Variants in FLRT3 observed in about 807,000 individuals in gnomAD.
FLRT3 encodes fibronectin leucine rich transmembrane protein 3.
FLRT3 carries 17 observed loss-of-function variants against 42.6 expected under a neutral mutation model. The ratio of observed to expected loss-of-function variants is 0.40; its 90% confidence interval spans 0.27 to 0.60. The LOEUF is 0.60. Among genes scored for constraint, FLRT3 ranks in the 20% least tolerant of loss-of-function variants. FLRT3 has a pLI of 0.44. For missense variants in FLRT3, 635 were observed against 789.2 expected, an observed-to-expected ratio of 0.80 and a Z score of 2.34; for synonymous variants, 279 against 286.4, an observed-to-expected ratio of 0.97 and a Z score of 0.26.
chr20:14,332,221 A>G (rs912527229), intron 1 of FLRT3, among the ~76,000 whole-genome samples: 1 of 152,142 alleles, frequency 6.6e-6, no homozygotes, highest in African/African-American at 2.4e-5. Flanking sequence ...TTGCATTTAT[A>G]ATGTAATCAT....
Position 14,324,902 on chromosome 20 carries a change from T to A in FLRT3, c.*655A>T, listed in dbSNP as rs2082709277. ...TTCATGCTCCTTTTATGCCAGCTGA[T>A]GTATTCAGTTCAGAAGATATGCTTA... On this transcript the variant is annotated 3_prime_UTR_variant, in exon 3 of 3. Transcript: ENST00000341420. 6.6e-6 allele frequency: 1 copy of A among 152,540 alleles called. No individual in the cohort carries two copies. 9.4% of individuals were successfully genotyped at this position (152,540 alleles called of 1,614,324 possible).
At chr20:14,333,342 C>T (rs1387010615) in intron 1 of FLRT3, among the ~76,000 whole-genome samples, 1 of 152,156 alleles carries the variant, frequency 6.6e-6, no homozygotes, top group Non-Finnish European at 1.5e-5. Context: ...TTTATTTTGA[C>T]TTGTAAAGTT....
At position 14,325,069 on chromosome 20, in the gene FLRT3, A is replaced by T. The variant is rs1306240687; in HGVS notation, c.*488T>A. ...TTAATAATTGGAACATTATTTCATA[A>T]CCATTTTTTAAAATTAAATTTTATC... On this transcript the variant is annotated 3_prime_UTR_variant, in exon 3 of 3. Coordinates refer to ENST00000341420, the MANE Select transcript of FLRT3 (RefSeq NM_198391.3). The T allele has an allele frequency of 6.6e-6, 1 of 152,286 alleles. No individual in the cohort carries two copies. The highest frequency in any genetic ancestry group is 2.4e-5 in the African/African-American group (1 of 41,350). 9.4% of individuals were successfully genotyped at this position (152,286 alleles called of 1,614,324 possible).
chr20:14,335,496 T>A (rs1236556550), intron 1 of FLRT3, among the ~76,000 whole-genome samples: 1 of 152,212 alleles, frequency 6.6e-6, no homozygotes, highest in African/African-American at 2.4e-5. Context: ...GCTGCCACAT[T>A]TAGTTATGAC....
rs748319297 is a variant in FLRT3 at position 14,327,196 on chromosome 20, T to C, written c.311A>G (p.Lys104Arg). ...TTGCAAATGTAACTCTTTTACATACTTTGGGAGGTTGGTAGGAAATTCATC... is the reference window on the plus strand; with the variant it reads ...TTGCAAATGTAACTCTTTTACATACCTTGGGAGGTTGGTAGGAAATTCATC... ...SLDEFPTNLP[K>R]YVKELHLQEN... Residue 104 changes from lysine (K) to arginine (R), a missense_variant, in exon 3 of 3, where the codon AAG becomes AGG. By Grantham distance (26) the Lys-to-Arg change is conservative. Transcript: ENST00000341420. 2 of 1,613,674 alleles carry C rather than the reference T, an allele frequency of 1.2e-6. No individual in the cohort carries two copies. Among genetic ancestry groups the C allele is most frequent in the South Asian group, 2.2e-5 (2 of 91,064 alleles).
chr20:14,331,120 G>A (rs1568561898), intron 1 of FLRT3, among the ~76,000 whole-genome samples: 1 of 151,994 alleles, frequency 6.6e-6, no homozygotes, highest in Non-Finnish European at 1.5e-5. Context: ...TGATGAATCC[G>A]CTGATTGGGG....
In FLRT3 at chr20:14,337,590, GA is replaced by G; in HGVS notation, c.-434del. ...CTCCTACACTGAGGAGTGAGCGAGG[GA>G]GAGCATTCCAGTTTACTGCACACAG... On this transcript the variant is annotated 5_prime_UTR_variant, in exon 1 of 3. An upstream open reading frame in the 5' UTR loses its in-frame stop. Transcript: ENST00000341420. The G allele has an allele frequency of 2.5e-6, 1 of 398,548 alleles. No homozygotes were observed. The highest frequency in any genetic ancestry group is 1.3e-4 in the South Asian group (1 of 7,858). 24.7% of individuals were successfully genotyped at this position (398,548 alleles called of 1,614,324 possible).
intron 2 of FLRT3, among the ~76,000 whole-genome samples, chr20:14,327,989 A>G (rs2082766138): frequency 6.6e-6 from 1 of 152,192 alleles, no homozygotes; most frequent in South Asian, 2.1e-4. Flanking sequence ...ACTGTTATCA[A>G]AAAACCACAC....
At chr20:14,335,211 G>C (rs2082915166) in intron 1 of FLRT3, among the ~76,000 whole-genome samples, 1 of 152,132 alleles carries the variant, frequency 6.6e-6, no homozygotes, top group Non-Finnish European at 1.5e-5. Context: ...GCTGATTATT[G>C]TATTTTTCAT....
chr20:14,330,153 C>T (rs1290914548), intron 1 of FLRT3, among the ~76,000 whole-genome samples: 1 of 152,004 alleles, frequency 6.6e-6, no homozygotes, highest in African/African-American at 2.4e-5. Context: ...TAGGTTCATA[C>T]ATGAATATTG....
chr20:14,330,681 TCAAA>T (rs1189564387), intron 1 of FLRT3, among the ~76,000 whole-genome samples: 3 of 152,086 alleles, frequency 2.0e-5, no homozygotes, highest in Non-Finnish European at 4.4e-5. Context: ...AGCAGATGGA[TCAAA>T]CAGTCTCTAG....
chr20:14,330,612 A>G (rs896927999), intron 1 of FLRT3, among the ~76,000 whole-genome samples: 3 of 152,130 alleles, frequency 2.0e-5, no homozygotes, highest in Non-Finnish European at 2.9e-5. Context: ...AGAAAAGTGA[A>G]AACAATTACA....
In FLRT3 at chr20:14,327,431, C is replaced by G; in HGVS notation, c.76G>C (p.Val26Leu). 6.2e-7 allele frequency: 1 copy of G among 1,613,602 alleles called. No homozygotes were observed. Among genetic ancestry groups the G allele is most frequent in the Non-Finnish European group, 8.5e-7 (1 of 1,179,652 alleles). ...GLFLQVAPLS[V>L]MAKSCPSVCR... ...ACAGATGGACAGGATTTAGCCATAA[C>G]TGATAGAGGTGCTACTTGAAGGAAC... Residue 26 changes from valine (V) to leucine (L), a missense_variant, in exon 3 of 3, where the codon GTT (valine) becomes CTT (leucine). Val to Leu is a conservative substitution (Grantham distance 32, BLOSUM62 1). Coordinates refer to ENST00000341420, the MANE Select transcript of FLRT3 (RefSeq NM_198391.3).
rs1228276299 is a variant in FLRT3 at position 14,324,229 on chromosome 20, G to A, written c.*1328C>T. 1.3e-5 allele frequency: 2 copies of A among 152,296 alleles called. No homozygotes were observed. Among genetic ancestry groups the A allele is most frequent in the African/African-American group, 2.4e-5 (1 of 41,312 alleles). 9.4% of individuals were successfully genotyped at this position (152,296 alleles called of 1,614,324 possible). A position where few individuals can be genotyped will look rare whatever the true frequency, so the allele number is the denominator to read the frequency against. ...GTTTTAAAAGCTGAATACATGTAGC[G>A]TTGGATCAAGGCACATACAAGACTG... is the stretch of plus-strand genomic sequence containing the variant. On this transcript the variant is annotated 3_prime_UTR_variant, in exon 3 of 3. Coordinates refer to ENST00000341420, the MANE Select transcript of FLRT3 (RefSeq NM_198391.3).
chr20:14,332,838 A>C (rs2082869434), intron 1 of FLRT3, among the ~76,000 whole-genome samples: 1 of 152,122 alleles, frequency 6.6e-6, no homozygotes, highest in African/African-American at 2.4e-5. Context: ...GAGTATTAGG[A>C]AGGTAATTTA....
intron 1 of FLRT3, among the ~76,000 whole-genome samples, chr20:14,332,206 T>C (rs1046311630): frequency 6.6e-6 from 1 of 152,004 alleles, no homozygotes; most frequent in Non-Finnish European, 1.5e-5. Context: ...AATTGTGGGG[T>C]TTTTTTGCAT....
rs559337911 is a variant in FLRT3 at position 14,325,175 on chromosome 20, G to A, written c.*382C>T. ...AAAATGGCCTGTGCTTATACTACAAGGATCTCATATGAATGCAGTCCTGAT... is the reference window on the plus strand; with the variant it reads ...AAAATGGCCTGTGCTTATACTACAAAGATCTCATATGAATGCAGTCCTGAT... On this transcript the variant is annotated 3_prime_UTR_variant, in exon 3 of 3. Coordinates refer to ENST00000341420, the MANE Select transcript of FLRT3 (RefSeq NM_198391.3). 1 of 156,114 alleles carries A rather than the reference G, an allele frequency of 6.4e-6. No homozygotes were observed. The highest frequency in any genetic ancestry group is 2.4e-5 in the African/African-American group (1 of 41,426). The allele number at this position is 156,114 out of a possible 1,614,324, so 9.7% of individuals were successfully genotyped here.
chr20:14,336,860 T>A (rs1049957849), intron 1 of FLRT3, among the ~76,000 whole-genome samples: 1 of 152,220 alleles, frequency 6.6e-6, no homozygotes, highest in Non-Finnish European at 1.5e-5. Flanking sequence ...ACGATAGCAG[T>A]GCAAGCTTTA....
At position 14,327,497 on chromosome 20, in the gene FLRT3, C is replaced by T. The variant is rs142379846; in HGVS notation, c.10G>A (p.Ala4Thr). The T allele has an allele frequency of 2.4e-5, 38 of 1,611,486 alleles. No homozygotes were observed. The highest frequency in any genetic ancestry group is 1.5e-4 in the Admixed American group (9 of 59,806). The change falls in exon 3 of 3, where the codon GCA becomes ACA. Residue 4 changes from alanine (A) to threonine (T), a missense_variant. Coordinates refer to ENST00000341420, the MANE Select transcript of FLRT3 (RefSeq NM_198391.3). ...CCGATGAGGAAGATGCTCCAGGCTGCGCTGATCATGGTCAGCAGTGTTGAG... is the reference window on the plus strand; with the variant it reads ...CCGATGAGGAAGATGCTCCAGGCTGTGCTGATCATGGTCAGCAGTGTTGAG... MIS[A>T]AWSIFLIGTK...
Sources: gnomAD v4.1 joint callset for allele counts (sites outside exome capture counted in the v4.1 genomes callset) on GRCh38, gnomAD v4.1.1 for gene constraint, MANE v1.5 for transcripts, NCBI Gene and HGNC (gene_info 2026-07-23, HGNC 2026-07-21) for gene names.